The following NAPEPLD variants were observed in gnomAD, a reference collection of about 807,000 sequenced individuals.
NAPEPLD encodes N-acyl phosphatidylethanolamine phospholipase D.
NAPEPLD carries 23 observed loss-of-function variants against 38.1 expected under a neutral mutation model. That is an observed-to-expected ratio of 0.60 (90% CI 0.43 to 0.86). NAPEPLD has a LOEUF of 0.86. NAPEPLD is among the 40% of genes least tolerant of loss of function. The pLI, the probability that NAPEPLD is intolerant of heterozygous loss-of-function variation, is 0.00. For missense variants in NAPEPLD, 411 were observed against 476.8 expected, an observed-to-expected ratio of 0.86 and a Z score of 1.28; for synonymous variants, 147 against 162.0, an observed-to-expected ratio of 0.91 and a Z score of 0.71.
chr7:103,105,511 T>C (rs1487604668), intron 4 of NAPEPLD, among the ~76,000 whole-genome samples: 1 of 152,228 alleles, frequency 6.6e-6, no homozygotes, highest in African/African-American at 2.4e-5. Context: ...GGAAATGCAC[T>C]CATCATTCCC....
At chr7:103,142,834 AG>A (rs1811718107) in intron 1 of NAPEPLD, among the ~76,000 whole-genome samples, 1 of 152,234 alleles carries the variant, frequency 6.6e-6, no homozygotes, top group Non-Finnish European at 1.5e-5. Flanking sequence ...GTTTTTTAAA[AG>A]ATCTCCTGCT....
chr7:103,106,153 T>C (rs1408128773), intron 4 of NAPEPLD, among the ~76,000 whole-genome samples: 2 of 152,024 alleles, frequency 1.3e-5, no homozygotes, highest in Non-Finnish European at 2.9e-5. Flanking sequence ...TGGGGAATTC[T>C]CTCCCCTACC....
chr7:103,144,183 C>A (rs1056918883), intron 1 of NAPEPLD, among the ~76,000 whole-genome samples: 1 of 152,190 alleles, frequency 6.6e-6, no homozygotes. Context: ...CATGTTGAAT[C>A]TACAAGGAAA....
At chr7:103,149,247 G>A (rs1421301789), upstream of NAPEPLD, 7 of 997,744 alleles carry the variant, frequency 7.0e-6, no homozygotes, top group Non-Finnish European at 8.3e-6. Context: ...CGGCCAGAGC[G>A]GCGGGGTGCG....
chr7:103,107,220 G>A (rs537753402), intron 4 of NAPEPLD, among the ~76,000 whole-genome samples: 2 of 152,148 alleles, frequency 1.3e-5, no homozygotes, highest in South Asian at 2.1e-4. Context: ...CAAAAAGGAC[G>A]TCCACTCATA....
intron 2 of NAPEPLD, among the ~76,000 whole-genome samples, chr7:103,125,300 G>C (rs1193941563): frequency 6.6e-6 from 1 of 152,158 alleles, no homozygotes; most frequent in Non-Finnish European, 1.5e-5. Context: ...TTTTTGCCAT[G>C]TGTATTAAGA....
rs148084843 is a variant in NAPEPLD at position 103,143,486 on chromosome 7, G to C, written c.-17+5325C>G. On this transcript the variant is annotated intron_variant, in intron 1 of 4. Coordinates refer to ENST00000465647, the MANE Select transcript of NAPEPLD (RefSeq NM_001122838.3). ...ATGACATTTCTCAGCCTTCTAGCTA[G>C]GGATGGCCAGGTTGGTGACACTTTG... Among the ~76,000 whole-genome samples the C allele has an allele frequency of 2.7e-4, 41 of 152,232 alleles. 1 individual carries two copies. The East Asian group carries it at 7.9e-3, about 29-fold the overall frequency.
Position 103,103,235 on chromosome 7 carries a change from C to T in NAPEPLD, c.*194G>A. 1 of 485,032 alleles carries T rather than the reference C, an allele frequency of 2.1e-6. No homozygotes were observed. Among genetic ancestry groups the T allele is most frequent in the Non-Finnish European group, 3.5e-6 (1 of 289,186 alleles). The allele number at this position is 485,032 out of a possible 1,614,324, so 30.0% of individuals were successfully genotyped here. Reference sequence around the variant, plus strand: ...CAATTCATTATTTAAATGACCCACCCCTGAACCCTCTCATAGTGTACATGA... The same window carrying T: ...CAATTCATTATTTAAATGACCCACCTCTGAACCCTCTCATAGTGTACATGA... On this transcript the variant is annotated 3_prime_UTR_variant, in exon 5 of 5. Coordinates refer to ENST00000465647, the MANE Select transcript of NAPEPLD (RefSeq NM_001122838.3).
At position 103,103,305 on chromosome 7, in the gene NAPEPLD, TA is replaced by T; in HGVS notation, c.*123del. 1 of 1,196,032 alleles carries T rather than the reference TA, an allele frequency of 8.4e-7. No individual in the cohort carries two copies. The highest frequency in any genetic ancestry group is 1.2e-6 in the Non-Finnish European group (1 of 862,746). 74.1% of individuals were successfully genotyped at this position (1,196,032 alleles called of 1,614,324 possible). ...AAGTTATTACACAAAACATAAAACA[TA>T]AACTTGCAGAAGTTGTTTCCAAATG... On this transcript the variant is annotated 3_prime_UTR_variant, in exon 5 of 5. Coordinates refer to ENST00000465647, the MANE Select transcript of NAPEPLD (RefSeq NM_001122838.3).
At chr7:103,144,685 T>C (rs911414779) in intron 1 of NAPEPLD, among the ~76,000 whole-genome samples, 2 of 151,532 alleles carry the variant, frequency 1.3e-5, no homozygotes, top group African/African-American at 4.9e-5. Flanking sequence ...CTAGTTTGCC[T>C]GAGGATTTCC....
intron 2 of NAPEPLD, among the ~76,000 whole-genome samples, chr7:103,121,870 C>T (rs1469061889): frequency 2.6e-5 from 4 of 152,026 alleles, no homozygotes; most frequent in African/African-American, 9.7e-5. Context: ...AGCCCAGTTG[C>T]CAAAGGCATC....
chr7:103,115,999 A>T (rs1805477984), intron 3 of NAPEPLD, among the ~76,000 whole-genome samples: 1 of 152,080 alleles, frequency 6.6e-6, no homozygotes, highest in African/African-American at 2.4e-5. Flanking sequence ...GCTAATGAGC[A>T]ATGAGGGCAG....
chr7:103,126,480 A>T (rs1027218700), intron 2 of NAPEPLD, among the ~76,000 whole-genome samples: 5 of 152,156 alleles, frequency 3.3e-5, no homozygotes, highest in Admixed American at 3.3e-4. Flanking sequence ...GCTCTTTAGG[A>T]CCTCAGCAGT....
intron 1 of NAPEPLD, among the ~76,000 whole-genome samples, chr7:103,130,393 AAGAG>A (rs1808684165): frequency 6.6e-6 from 1 of 152,342 alleles, no homozygotes; most frequent in African/African-American, 2.4e-5. Flanking sequence ...CTCAAGAGTT[AAGAG>A]AGAGTCTAAC....
At chr7:103,132,590 G>T (rs777252839) in intron 1 of NAPEPLD, among the ~76,000 whole-genome samples, 28 of 151,804 alleles carry the variant, frequency 1.8e-4, no homozygotes, top group Non-Finnish European at 3.8e-4. Context: ...GATTCAGGCT[G>T]CTTTAGGGGT....
chr7:103,143,181 C>A (rs1482661184), intron 1 of NAPEPLD, among the ~76,000 whole-genome samples: 1 of 152,102 alleles, frequency 6.6e-6, no homozygotes, highest in African/African-American at 2.4e-5. Context: ...GAGCCGTGAT[C>A]ATGCCACTGC....
At chr7:103,144,696 C>G (rs1325412274) in intron 1 of NAPEPLD, among the ~76,000 whole-genome samples, 1 of 151,430 alleles carries the variant, frequency 6.6e-6, no homozygotes, top group Non-Finnish European at 1.5e-5. Context: ...GAGGATTTCC[C>G]AGTGTTAACA....
chr7:103,125,767 G>A (rs1289768599), intron 2 of NAPEPLD, among the ~76,000 whole-genome samples: 1 of 151,888 alleles, frequency 6.6e-6, no homozygotes, highest in Admixed American at 6.6e-5. Flanking sequence ...GGCGCCCATG[G>A]TCCCAGCTAC....
chr7:103,112,619 G>T (rs541971486), intron 4 of NAPEPLD, among the ~76,000 whole-genome samples: 1 of 152,100 alleles, frequency 6.6e-6, no homozygotes, highest in South Asian at 2.1e-4. Context: ...GGGGGGCTAC[G>T]GGAGGGATAG....
Sources: allele counts gnomAD v4.1 joint callset (sites outside exome capture counted in the v4.1 genomes callset), GRCh38; gene constraint gnomAD v4.1.1; transcripts MANE v1.5; gene names NCBI Gene and HGNC (gene_info 2026-07-23, HGNC 2026-07-21).